The following SOX5 variants were observed in gnomAD, a reference collection of about 807,000 sequenced individuals.
The protein encoded by SOX5 is transcription factor SOX-5.
SOX5 carries 9 observed loss-of-function variants against 92.0 expected under a neutral mutation model. That is an observed-to-expected ratio of 0.10 (90% CI 0.06 to 0.17). SOX5 has a LOEUF of 0.17. Among genes scored for constraint, SOX5 ranks in the 10% least tolerant of loss-of-function variants. SOX5 has a pLI of 1.00. For synonymous variants in SOX5, 344 were observed against 336.3 expected (o/e 1.02, Z -0.25); for missense variants, 642 against 944.5 (o/e 0.68, Z 4.20).
chr12:24,307,421 G>A lies in SOX5; in HGVS notation c.-173-30109C>T, dbSNP rs75407419. On this transcript the variant is annotated intron_variant, in intron 2 of 4. Transcript: ENST00000446891. Reference sequence around the variant, plus strand: ...AGAACTGGGATCTGGCAGAGACAGTGTCTTTCTCATTTAGTACTGTATAGC... The same window carrying A: ...AGAACTGGGATCTGGCAGAGACAGTATCTTTCTCATTTAGTACTGTATAGC... Among the ~76,000 whole-genome samples the A allele has an allele frequency of 1.6e-3, 239 of 151,588 alleles. 1 individual carries two copies. Among genetic ancestry groups the A allele is most frequent in the Non-Finnish European group, 2.8e-3 (193 of 67,940 alleles).
chr12:24,200,765 C>T (rs1472096079), intron 4 of SOX5, among the ~76,000 whole-genome samples: 3 of 152,174 alleles, frequency 2.0e-5, no homozygotes, highest in East Asian at 3.8e-4. Context: ...CACCCTAAGG[C>T]CTCTGCCATT....
chr12:24,358,282 C>T (rs572865941), intron 2 of SOX5, among the ~76,000 whole-genome samples: 2 of 152,226 alleles, frequency 1.3e-5, no homozygotes, highest in Non-Finnish European at 2.9e-5. Flanking sequence ...TAGCCAGGAT[C>T]GAATGACTAT....
intron 4 of SOX5, among the ~76,000 whole-genome samples, chr12:24,066,553 AAAT>A (rs1290937997): frequency 6.6e-6 from 1 of 152,236 alleles, no homozygotes; most frequent in Non-Finnish European, 1.5e-5. Flanking sequence ...GTTTGAATAT[AAAT>A]AGGATAAACA....
chr12:24,407,741 CCAGA>C (rs749738093), intron 1 of SOX5, among the ~76,000 whole-genome samples: 9 of 152,112 alleles, frequency 5.9e-5, no homozygotes, highest in Non-Finnish European at 1.3e-4. Context: ...AAAATTCCAA[CCAGA>C]CAGATACGGA....
At chr12:24,308,170 G>A (rs1238731054) in intron 2 of SOX5, among the ~76,000 whole-genome samples, 1 of 152,158 alleles carries the variant, frequency 6.6e-6, no homozygotes, top group African/African-American at 2.4e-5. Context: ...GCTGGTAAGG[G>A]GAGAATGCCT....
intron 3 of SOX5, among the ~76,000 whole-genome samples, chr12:23,839,977 T>C (rs538733760): frequency 8.2e-6 from 1 of 121,316 alleles, no homozygotes; most frequent in Non-Finnish European, 1.7e-5. Context: ...AACTCCTAGC[T>C]AACTCAAGAA....
intron 2 of SOX5, among the ~76,000 whole-genome samples, chr12:24,351,771 A>G (rs1320331211): frequency 2.0e-5 from 3 of 152,224 alleles, no homozygotes; most frequent in African/African-American, 7.2e-5. Context: ...CTATTGGGTA[A>G]TTAATGCAGT....
At chr12:23,569,674 A>C (rs543829084) in intron 10 of SOX5, among the ~76,000 whole-genome samples, 1 of 151,888 alleles carries the variant, frequency 6.6e-6, no homozygotes, top group Non-Finnish European at 1.5e-5. Context: ...TCATCCTTTC[A>C]CTCCACACTC....
rs1941342669 is a variant in SOX5 at position 24,257,214 on chromosome 12, T to C, written c.-77+20002A>G. The stretch of plus-strand genomic sequence containing the variant: ...TCAGAGAAAGGCCTTAGGAAAAACA[T>C]AATTTCCTAATTATCATTGCTAAAT... On this transcript the variant is annotated intron_variant, in intron 3 of 4. Coordinates refer to the SOX5 transcript ENST00000446891. Among the ~76,000 whole-genome samples, 5 of 152,230 alleles carry C rather than the reference T, an allele frequency of 3.3e-5. No homozygotes were observed. In the South Asian group the frequency reaches 1.0e-3, roughly 31 times the overall value.
chr12:24,017,457 G>A (rs1953767360), intron 4 of SOX5, among the ~76,000 whole-genome samples: 1 of 151,966 alleles, frequency 6.6e-6, no homozygotes, highest in Admixed American at 6.6e-5. Flanking sequence ...AAAATTAGCA[G>A]AGCGTGGTGG....
intron 1 of SOX5, among the ~76,000 whole-genome samples, chr12:24,434,290 T>C (rs1208471527): frequency 3.3e-5 from 5 of 152,150 alleles, no homozygotes; most frequent in Non-Finnish European, 5.9e-5. Context: ...CTAGGATATA[T>C]AGAGAAGAAA....
rs951888961 is a variant in SOX5 at position 24,411,348 on chromosome 12, G to A, written c.-250-42709C>T. 2.6e-5 allele frequency among the ~76,000 whole-genome samples: 4 copies of A among 152,200 alleles called. No homozygotes were observed. The South Asian group carries it at 8.3e-4, about 32-fold the overall frequency. ...TGCACTGGCCAGAAATTCTAGCACT[G>A]TGTTGAAGAAGGGTCATGAGAAGAC... On this transcript the variant is annotated intron_variant, in intron 1 of 4. Coordinates refer to the SOX5 transcript ENST00000446891.
At chr12:24,126,944 T>A (rs560281434) in intron 4 of SOX5, among the ~76,000 whole-genome samples, 1 of 152,334 alleles carries the variant, frequency 6.6e-6, no homozygotes, top group South Asian at 2.1e-4. Context: ...CTTAAAAGGC[T>A]TCTTAGGGAT....
intron 7 of SOX5, among the ~76,000 whole-genome samples, chr12:23,663,771 A>G (rs2083392424): frequency 1.3e-5 from 2 of 152,182 alleles, no homozygotes; most frequent in Non-Finnish European, 2.9e-5. Context: ...TAGTGTAGCA[A>G]TAAAAATTAA....
Position 23,758,598 on chromosome 12 carries a change from C to T in SOX5, c.482-2874G>A, listed in dbSNP as rs547413888. Among the ~76,000 whole-genome samples, 7 of 152,058 alleles carry T rather than the reference C, an allele frequency of 4.6e-5. 1 individual carries two copies. Among genetic ancestry groups the T allele is most frequent in the African/African-American group, 1.7e-4 (7 of 41,514 alleles). On this transcript the variant is annotated intron_variant, in intron 3 of 14. Coordinates refer to ENST00000451604, the MANE Select transcript of SOX5 (RefSeq NM_006940.6). Reference sequence around the variant, plus strand: ...AAACTTAGGAAGTTATCATGACTTGCCCAATGTGGAGCTAAATTCTACCTA... The same window carrying T: ...AAACTTAGGAAGTTATCATGACTTGTCCAATGTGGAGCTAAATTCTACCTA...
intron 1 of SOX5, among the ~76,000 whole-genome samples, chr12:24,523,275 G>A (rs1016286609): frequency 1.3e-5 from 2 of 152,118 alleles, no homozygotes; most frequent in Non-Finnish European, 2.9e-5. Flanking sequence ...CCATGTTCAT[G>A]GATTAGAAGA....
rs897487040 is a variant in SOX5, at chr12:23,614,810, C to CT, written c.1018-10278dup. Among the ~76,000 whole-genome samples the CT allele has an allele frequency of 5.9e-5, 9 of 151,960 alleles. No individual in the cohort carries two copies. In the South Asian group the frequency reaches 1.5e-3, roughly 25 times the overall value. On this transcript the variant is annotated intron_variant, in intron 8 of 14. Transcript: ENST00000451604. Reference sequence around the variant, plus strand: ...ATTCCAGTTTCTCTATATTTTCTTTCTTTTTTTTGGAAACAGAGTCTCACT... The same window carrying CT: ...ATTCCAGTTTCTCTATATTTTCTTTCTTTTTTTTTGGAAACAGAGTCTCACT...
At chr12:24,359,451 T>C (rs764192088) in intron 2 of SOX5, among the ~76,000 whole-genome samples, 3 of 152,192 alleles carry the variant, frequency 2.0e-5, no homozygotes, top group Non-Finnish European at 2.9e-5. Flanking sequence ...CACTGTTCTC[T>C]CAAATGTCTT....
At chr12:23,751,563 A>G (rs2094181458) in intron 4 of SOX5, among the ~76,000 whole-genome samples, 1 of 151,844 alleles carries the variant, frequency 6.6e-6, no homozygotes, top group Admixed American at 6.6e-5. Context: ...GACTGACTCT[A>G]TACATCTTCT....
Sources: gnomAD v4.1 joint callset for allele counts (sites outside exome capture counted in the v4.1 genomes callset) on GRCh38, gnomAD v4.1.1 for gene constraint, MANE v1.5 for transcripts, NCBI Gene and HGNC (gene_info 2026-07-23, HGNC 2026-07-21) for gene names.